The following MYO3A variants were observed in gnomAD, a reference collection of about 807,000 sequenced individuals.
MYO3A encodes myosin IIIA.
A neutral mutation model predicts 192.7 loss-of-function variants in MYO3A; 180 were observed. That is an observed-to-expected ratio of 0.93 (90% confidence interval 0.83 to 1.06). The LOEUF (loss-of-function observed/expected upper bound fraction) is 1.06. MYO3A is among the 50% of genes least tolerant of loss of function. MYO3A has a pLI of 0.00. For missense variants in MYO3A, 1,896 were observed against 1,905.0 expected, an observed-to-expected ratio of 1.00 and a Z score of 0.09; for synonymous variants, 628 against 645.3, an observed-to-expected ratio of 0.97 and a Z score of 0.41.
chr10:26,130,655 A>G (rs894314295), intron 20 of MYO3A, among the ~76,000 whole-genome samples: 1 of 152,234 alleles, frequency 6.6e-6, no homozygotes, highest in Non-Finnish European at 1.5e-5. Context: ...GCCTTCCTAG[A>G]ATAACTATCT....
intron 3 of MYO3A, among the ~76,000 whole-genome samples, chr10:25,952,860 A>G (rs569147846): frequency 2.5e-4 from 37 of 148,984 alleles, no homozygotes; most frequent in African/African-American, 9.2e-4. Context: ...GGAGGCCACA[A>G]TGGGGGCCCC....
chr10:26,035,130 C>T (rs1237047156), intron 10 of MYO3A, among the ~76,000 whole-genome samples: 2 of 152,096 alleles, frequency 1.3e-5, no homozygotes, highest in Non-Finnish European at 2.9e-5. Context: ...ACAGATAAAG[C>T]TGGGGAATAT....
intron 33 of MYO3A, 95 bp from the exon 34 acceptor site, chr10:26,202,869 T>C (rs1843738026): frequency 2.2e-6 from 3 of 1,340,514 alleles, no homozygotes; most frequent in Non-Finnish European, 2.1e-6. Flanking sequence ...CTCTAAATTA[T>C]AGTAAATACT....
At chr10:26,023,989 T>A (rs1456376196) in intron 8 of MYO3A, 33 bp from the exon 9 acceptor site, 1 of 1,580,046 alleles carries the variant, frequency 6.3e-7, no homozygotes, top group Non-Finnish European at 8.7e-7. Flanking sequence ...CTGACCAATA[T>A]ACAGAATCCA....
In MYO3A at chr10:26,129,360, G is replaced by C. The variant is rs187437390; in HGVS notation, c.2262+822G>C. ...ATTTAAGACCTTATCTAGTTGTTCA[G>C]CTCTTTTTCATCTATCCCAGGATGT... On this transcript the variant is annotated intron_variant, in intron 20 of 34. Transcript: ENST00000642920. 1.4e-3 allele frequency among the ~76,000 whole-genome samples: 217 copies of C among 152,202 alleles called. 1 individual carries two copies. The highest frequency in any genetic ancestry group is 5.1e-3 in the African/African-American group (211 of 41,520).
intron 19 of MYO3A, among the ~76,000 whole-genome samples, chr10:26,126,595 G>T (rs1279082529): frequency 6.6e-6 from 1 of 151,866 alleles, no homozygotes; most frequent in Non-Finnish European, 1.5e-5. Context: ...GTTCTGGTAC[G>T]GTCATCTATA....
At chr10:26,103,670 G>A (rs536011560) in intron 17 of MYO3A, among the ~76,000 whole-genome samples, 1 of 152,202 alleles carries the variant, frequency 6.6e-6, no homozygotes, top group Admixed American at 6.5e-5. Flanking sequence ...ACAACATTTT[G>A]TGTGGATGTA....
chr10:26,002,589 G>A (rs770936745), intron 6 of MYO3A, among the ~76,000 whole-genome samples: 5 of 151,636 alleles, frequency 3.3e-5, no homozygotes, highest in Non-Finnish European at 5.9e-5. Flanking sequence ...ATAAGTCAGG[G>A]TGGACCAGGT....
intron 23 of MYO3A, among the ~76,000 whole-genome samples, chr10:26,151,095 A>G (rs1221548273): frequency 6.6e-6 from 1 of 152,108 alleles, no homozygotes; most frequent in Non-Finnish European, 1.5e-5. Context: ...GACCCATAAT[A>G]TTATCTGTCT....
At chr10:26,001,279 CAA>C (rs113356904) in intron 6 of MYO3A, among the ~76,000 whole-genome samples, 14,271 of 152,226 alleles carry the variant, frequency 0.094, 1,166 homozygotes, top group African/African-American at 0.21. Flanking sequence ...TGGAAAGACT[CAA>C]GTTAGCTTTT....
At chr10:26,201,720 A>T (rs1843686169) in intron 33 of MYO3A, among the ~76,000 whole-genome samples, 1 of 152,060 alleles carries the variant, frequency 6.6e-6, no homozygotes, top group African/African-American at 2.4e-5. Context: ...CCTATTTTAT[A>T]TGCATAGATT....
intron 10 of MYO3A, among the ~76,000 whole-genome samples, chr10:26,053,494 T>C (rs1844128139): frequency 6.6e-6 from 1 of 152,174 alleles, no homozygotes; most frequent in Admixed American, 6.5e-5. Flanking sequence ...AAAAGTTTAT[T>C]GAGCAGTGTA....
intron 14 of MYO3A, among the ~76,000 whole-genome samples, chr10:26,071,930 C>T (rs61839354): frequency 0.011 from 1,716 of 152,146 alleles, 13 homozygotes; most frequent in Non-Finnish European, 0.015. Context: ...AAGAACTTTC[C>T]GAGACTGGGT....
intron 6 of MYO3A, 43 bp downstream of exon 6, chr10:25,997,301 A>G (rs1431374292): frequency 2.9e-6 from 4 of 1,358,482 alleles, no homozygotes; most frequent in Admixed American, 1.7e-5. Context: ...TCCATAATGA[A>G]CTAGTATGAT....
intron 6 of MYO3A, among the ~76,000 whole-genome samples, chr10:26,006,766 G>A (rs969484008): frequency 1.1e-4 from 17 of 151,254 alleles, no homozygotes; most frequent in Non-Finnish European, 2.1e-4. Flanking sequence ...AAGAGTCCAG[G>A]ACCAGATGGA....
chr10:26,011,368 A>C (rs1841647641), intron 6 of MYO3A, among the ~76,000 whole-genome samples: 1 of 152,182 alleles, frequency 6.6e-6, no homozygotes, highest in African/African-American at 2.4e-5. Context: ...CAGGAAATTG[A>C]GGATGCAGTG....
chr10:26,027,081 T>C (rs1349646219), intron 10 of MYO3A, among the ~76,000 whole-genome samples: 2 of 152,192 alleles, frequency 1.3e-5, no homozygotes, highest in African/African-American at 2.4e-5. Flanking sequence ...TTTCTGCTTT[T>C]CTATAAAGTA....
intron 4 of MYO3A, among the ~76,000 whole-genome samples, chr10:25,992,101 G>A (rs1439315295): frequency 6.6e-6 from 1 of 151,486 alleles, no homozygotes; most frequent in Non-Finnish European, 1.5e-5. Context: ...AAATTACCTT[G>A]GGCAGTATGG....
intron 4 of MYO3A, among the ~76,000 whole-genome samples, chr10:25,965,988 C>T (rs1838240059): frequency 6.6e-6 from 1 of 151,594 alleles, no homozygotes; most frequent in Non-Finnish European, 1.5e-5. Flanking sequence ...TCTTCAGTGC[C>T]TCCTTCAGCA....
Sources: allele counts gnomAD v4.1 joint callset (sites outside exome capture counted in the v4.1 genomes callset), GRCh38; gene constraint gnomAD v4.1.1; transcripts MANE v1.5; gene names NCBI Gene and HGNC (gene_info 2026-07-23, HGNC 2026-07-21).